KCNIP4: variants seen among roughly 807,000 people sequenced by gnomAD.
KCNIP4 encodes the protein Kv channel-interacting protein 4.
A neutral mutation model predicts 34.0 loss-of-function variants in KCNIP4; 12 were observed. The observed-to-expected ratio is 0.35, with a 90% CI of 0.23 to 0.57. KCNIP4 has a LOEUF of 0.57. KCNIP4 is among the 20% of genes least tolerant of loss of function. The pLI is 0.83. For missense variants in KCNIP4, 238 were observed against 311.7 expected, an observed-to-expected ratio of 0.76 and a Z score of 1.78; for synonymous variants, 124 against 102.2, an observed-to-expected ratio of 1.21 and a Z score of -1.29.
chr4:20,773,263 A>C (rs773449220), intron 3 of KCNIP4, among the ~76,000 whole-genome samples: 2 of 152,120 alleles, frequency 1.3e-5, no homozygotes, highest in Non-Finnish European at 2.9e-5. Context: ...AATTGTTGCA[A>C]TTGTTGCAAA....
chr4:21,506,439 T>C (rs1177389402), intron 1 of KCNIP4, among the ~76,000 whole-genome samples: 3 of 152,206 alleles, frequency 2.0e-5, no homozygotes, highest in Admixed American at 6.5e-5. Flanking sequence ...CTTAAAACAA[T>C]ACATGGCACC....
intron 1 of KCNIP4, among the ~76,000 whole-genome samples, chr4:21,532,796 T>A (rs1321532148): frequency 1.3e-5 from 2 of 152,126 alleles, no homozygotes; most frequent in Non-Finnish European, 2.9e-5. Context: ...AAACATATTC[T>A]AAATTATATG....
intron 3 of KCNIP4, among the ~76,000 whole-genome samples, chr4:20,799,447 C>A (rs73802338): frequency 0.03 from 4,631 of 152,268 alleles, 198 homozygotes; most frequent in African/African-American, 0.095. Context: ...AGACATAGTA[C>A]CTGAAGTCCC....
chr4:21,252,048 AC>A (rs545621851), intron 1 of KCNIP4, among the ~76,000 whole-genome samples: 74 of 152,060 alleles, frequency 4.9e-4, no homozygotes, highest in Non-Finnish European at 7.8e-4. Context: ...GGGAAAAAAA[AC>A]ATAACTGAGA....
intron 1 of KCNIP4, among the ~76,000 whole-genome samples, chr4:21,870,447 AC>A (rs1212007501): frequency 6.6e-6 from 1 of 152,114 alleles, no homozygotes; most frequent in Non-Finnish European, 1.5e-5. Flanking sequence ...ACAGTAAAAA[AC>A]ACACCCCTAG....
chr4:21,829,237 C>T (rs1481810707), intron 1 of KCNIP4, among the ~76,000 whole-genome samples: 2 of 151,924 alleles, frequency 1.3e-5, no homozygotes, highest in East Asian at 3.9e-4. Context: ...GATAGAGTTA[C>T]ATCTTGATAA....
At chr4:21,494,160 G>A (rs1732648479) in intron 1 of KCNIP4, among the ~76,000 whole-genome samples, 1 of 152,148 alleles carries the variant, frequency 6.6e-6, no homozygotes, top group South Asian at 2.1e-4. Context: ...ACCCAGAGCT[G>A]AGTAATGTCA....
chr4:21,058,309 T>C (rs948774070), intron 1 of KCNIP4, among the ~76,000 whole-genome samples: 2 of 152,120 alleles, frequency 1.3e-5, no homozygotes, highest in East Asian at 1.9e-4. Flanking sequence ...GAAGGACATA[T>C]ATCATCATTT....
intron 3 of KCNIP4, among the ~76,000 whole-genome samples, chr4:20,801,816 C>G (rs1714270187): frequency 6.6e-6 from 1 of 151,928 alleles, no homozygotes; most frequent in South Asian, 2.1e-4. Flanking sequence ...AATAAAATGA[C>G]AGTAAGTCCT....
intron 2 of KCNIP4, among the ~76,000 whole-genome samples, chr4:20,878,028 T>C (rs902322707): frequency 2.0e-5 from 3 of 152,022 alleles, no homozygotes; most frequent in Non-Finnish European, 4.4e-5. Context: ...ACTCTAGACC[T>C]ATAAGAGCTC....
chr4:21,390,468 T>C (rs1722463710), intron 1 of KCNIP4, among the ~76,000 whole-genome samples: 1 of 152,208 alleles, frequency 6.6e-6, no homozygotes, highest in African/African-American at 2.4e-5. Flanking sequence ...CCATCTTGAA[T>C]TAATTTTTGT....
chr4:21,454,201 A>C (rs991568783), intron 1 of KCNIP4, among the ~76,000 whole-genome samples: 16 of 152,214 alleles, frequency 1.1e-4, no homozygotes, highest in Middle Eastern at 3.4e-3. Flanking sequence ...CCGAGATTTT[A>C]CTTTTCTCAC....
Position 21,455,007 on chromosome 4 carries a change from G to T in KCNIP4, c.61+493564C>A, listed in dbSNP as rs76024853. Among the ~76,000 whole-genome samples the T allele has an allele frequency of 9.3e-3, 1,419 of 152,148 alleles. 25 individuals carry two copies. The highest frequency in any genetic ancestry group is 0.032 in the African/African-American group (1,348 of 41,512). On this transcript the variant is annotated intron_variant, in intron 1 of 8. Transcript: ENST00000382152. Reference sequence around the variant, plus strand: ...AGCACTGAGAGTACCAAGTTCTGGAGAATCCCTCAGTCCCAGGCAAACAAG... The same window carrying T: ...AGCACTGAGAGTACCAAGTTCTGGATAATCCCTCAGTCCCAGGCAAACAAG...
At chr4:20,957,361 C>T (rs189407513) in intron 1 of KCNIP4, among the ~76,000 whole-genome samples, 1 of 152,302 alleles carries the variant, frequency 6.6e-6, no homozygotes, top group Admixed American at 6.5e-5. Context: ...ACACTATACT[C>T]ATTATCTCTG....
At chr4:21,547,403 C>A (rs1738232637) in intron 1 of KCNIP4, among the ~76,000 whole-genome samples, 2 of 151,946 alleles carry the variant, frequency 1.3e-5, no homozygotes, top group African/African-American at 4.8e-5. Flanking sequence ...TAGATTATAT[C>A]TATATATATG....
At chr4:21,919,146 C>A (rs1376513809) in intron 1 of KCNIP4, among the ~76,000 whole-genome samples, 1 of 152,182 alleles carries the variant, frequency 6.6e-6, no homozygotes, top group Non-Finnish European at 1.5e-5. Context: ...CTTAACAGTT[C>A]TGCCCCTGTC....
chr4:21,893,848 T>C (rs1284925466), intron 1 of KCNIP4, among the ~76,000 whole-genome samples: 1 of 152,170 alleles, frequency 6.6e-6, no homozygotes, highest in Non-Finnish European at 1.5e-5. Context: ...TTGTAGTGGA[T>C]TACATCTGAA....
At chr4:21,429,374 A>C (rs1179623674) in intron 1 of KCNIP4, among the ~76,000 whole-genome samples, 1 of 152,094 alleles carries the variant, frequency 6.6e-6, no homozygotes, top group African/African-American at 2.4e-5. Flanking sequence ...ACCACAGTTT[A>C]TCCATTCACT....
chr4:21,781,305 T>A (rs1482360761), intron 1 of KCNIP4, among the ~76,000 whole-genome samples: 1 of 152,158 alleles, frequency 6.6e-6, no homozygotes, highest in Non-Finnish European at 1.5e-5. Context: ...TGCCATAATT[T>A]AAGTTTCCTG....
Sources: gnomAD v4.1 joint callset for allele counts (sites outside exome capture counted in the v4.1 genomes callset) on GRCh38, gnomAD v4.1.1 for gene constraint, MANE v1.5 for transcripts, NCBI Gene and HGNC (gene_info 2026-07-23, HGNC 2026-07-21) for gene names.